Variants in RIOK1 observed in about 807,000 individuals in gnomAD.
RIOK1 encodes the protein RIO kinase 1.
RIOK1 carries 66 observed loss-of-function variants against 73.5 expected under a neutral mutation model. The ratio of observed to expected loss-of-function variants is 0.90; its 90% CI spans 0.74 to 1.10. RIOK1 has a LOEUF of 1.10. Among genes scored for constraint, RIOK1 ranks in the 50% least tolerant of loss-of-function variants. RIOK1 has a pLI of 0.00. For synonymous variants in RIOK1, 224 were observed against 226.8 expected (o/e 0.99, Z 0.11); for missense variants, 658 against 699.8 (o/e 0.94, Z 0.67).
At chr6:7,397,985 CA>C (rs1189696310) in intron 4 of RIOK1, among the ~76,000 whole-genome samples, 1 of 151,984 alleles carries the variant, frequency 6.6e-6, no homozygotes, top group African/African-American at 2.4e-5. Flanking sequence ...ACTAAAAATA[CA>C]AAAAAATTAG....
At chr6:7,406,605 T>C (rs1033660547) in intron 12 of RIOK1, among the ~76,000 whole-genome samples, 4 of 152,216 alleles carry the variant, frequency 2.6e-5, no homozygotes, top group African/African-American at 9.6e-5. Flanking sequence ...GTCTGGCTTA[T>C]TTCACTTAGT....
intron 4 of RIOK1, among the ~76,000 whole-genome samples, chr6:7,397,683 A>C (rs1232274026): frequency 6.6e-6 from 1 of 152,236 alleles, no homozygotes; most frequent in African/African-American, 2.4e-5. Flanking sequence ...AAGAGGTATC[A>C]GCTTTTTGAG....
chr6:7,393,044 CAGTT>C (rs1581709545), intron 1 of RIOK1, 51 bp from the exon 2 acceptor site: 3 of 1,485,102 alleles, frequency 2.0e-6, no homozygotes, highest in Non-Finnish European at 2.8e-6. Flanking sequence ...TATGTGAGAT[CAGTT>C]AGGGTATGTG....
chr6:7,392,965 G>C, intron 1 of RIOK1, 134 bp from the exon 2 acceptor site: 1 of 1,321,580 alleles, frequency 7.6e-7, no homozygotes, highest in Non-Finnish European at 9.7e-7. Context: ...GGAGCTTATC[G>C]GAAGGTGTAT....
At chr6:7,399,823 C>T (rs1027797999) in intron 5 of RIOK1, among the ~76,000 whole-genome samples, 1 of 152,176 alleles carries the variant, frequency 6.6e-6, no homozygotes, top group African/African-American at 2.4e-5. Context: ...TCTCTAGTTG[C>T]AATGGTCGTG....
chr6:7,402,176 A>G lies in RIOK1; in HGVS notation c.574-427A>G, dbSNP rs536262422. On this transcript the variant is annotated intron_variant, in intron 6 of 16. Transcript: ENST00000379834. ...GCGAAGAACATTATAGAGCATACTC[A>G]TACAAACCTAGATAGTATAGCCTAC... is the stretch of plus-strand genomic sequence containing the variant. 6.6e-4 allele frequency among the ~76,000 whole-genome samples: 101 copies of G among 152,338 alleles called. 1 individual carries two copies. The highest frequency in any genetic ancestry group is 2.3e-3 in the African/African-American group (94 of 41,574).
At chr6:7,397,490 A>G (rs1171328778) in intron 4 of RIOK1, among the ~76,000 whole-genome samples, 1 of 152,238 alleles carries the variant, frequency 6.6e-6, no homozygotes, top group Non-Finnish European at 1.5e-5. Flanking sequence ...GATATAACTG[A>G]GAACTGTTTC....
chr6:7,402,661 A>C lies in RIOK1; in HGVS notation c.632A>C (p.Lys211Thr). 6.2e-7 allele frequency: 1 copy of C among 1,612,996 alleles called. No homozygotes were observed. Among genetic ancestry groups the C allele is most frequent in the Non-Finnish European group, 8.5e-7 (1 of 1,179,260 alleles). Reference sequence around the variant, plus strand: ...GAGAGCAGAGCAATCAAAATTTATAAAACTTCTATTTTGGTGTTCAAAGAT... The same window carrying C: ...GAGAGCAGAGCAATCAAAATTTATACAACTTCTATTTTGGTGTTCAAAGAT... The part of the protein sequence containing the change: ...NGESRAIKIY[K>T]TSILVFKDRD... Residue 211 changes from lysine to threonine, a missense_variant, in exon 7 of 17, where the codon AAA becomes ACA. Physicochemically the swap from Lys to Thr is moderately conservative, Grantham distance 78. Transcript: ENST00000379834.
chr6:7,396,802 T>C (rs749497368), intron 4 of RIOK1, 30 bp downstream of exon 4: 3 of 1,163,816 alleles, frequency 2.6e-6, no homozygotes, highest in Middle Eastern at 1.9e-4. Flanking sequence ...TATGCATGGG[T>C]GATAAGGACT....
Position 7,405,274 on chromosome 6 carries a change from T to A in RIOK1, c.1122T>A (p.Ala374=). 6.2e-7 allele frequency: 1 copy of A among 1,611,678 alleles called. No homozygotes were observed. Among genetic ancestry groups the A allele is most frequent in the Non-Finnish European group, 8.5e-7 (1 of 1,177,846 alleles). ...ATTTCTTTATGAGGCACAGTGTTGCTGTCATGACTGTGCGGGAGCTCTTTG... is the reference window on the plus strand; with the variant it reads ...ATTTCTTTATGAGGCACAGTGTTGCAGTCATGACTGTGCGGGAGCTCTTTG... ...VNDFFMRHSV[A]VMTVRELFEF... is the part of the protein sequence containing the mutation. The change falls in exon 12 of 17, where the codon GCT becomes GCA. Residue 374 remains alanine (A), a synonymous_variant. Transcript: ENST00000379834.
intron 5 of RIOK1, among the ~76,000 whole-genome samples, chr6:7,399,896 G>T (rs1561876170): frequency 6.6e-6 from 1 of 152,248 alleles, no homozygotes; most frequent in East Asian, 1.9e-4. Context: ...TAGGTTTGTG[G>T]TGTGACCCCA....
At chr6:7,391,588 C>G (rs1237846790) in intron 1 of RIOK1, among the ~76,000 whole-genome samples, 2 of 152,182 alleles carry the variant, frequency 1.3e-5, no homozygotes, top group African/African-American at 4.8e-5. Context: ...CCATCCACCC[C>G]AGGGTATTGT....
rs1488520312 is a variant in RIOK1 at position 7,414,383 on chromosome 6, A to G, written c.1589A>G (p.Asp530Gly). 6.3e-7 allele frequency: 1 copy of G among 1,599,796 alleles called. No individual in the cohort carries two copies. The change falls in exon 16 of 17, where the codon GAT becomes GGT. Residue 530 changes from aspartate to glycine, a missense_variant. Asp to Gly is a moderately conservative substitution (Grantham distance 94). Transcript: ENST00000379834. ...AAACACACCACGGACCCTGACATTG[A>G]TAAAAAAGTAAGCAATGAAATACCT... is the stretch of plus-strand genomic sequence containing the variant. The part of the protein sequence containing the change: ...PKKHTTDPDI[D>G]KKERKKMVKE...
chr6:7,405,109 T>C, intron 11 of RIOK1, 88 bp downstream of exon 11: 2 of 1,241,724 alleles, frequency 1.6e-6, no homozygotes, highest in Non-Finnish European at 2.3e-6. Context: ...ATTTTCTCAC[T>C]AAATTGTTTG....
chr6:7,411,952 AGT>A (rs1407692239), intron 14 of RIOK1, among the ~76,000 whole-genome samples: 1 of 152,250 alleles, frequency 6.6e-6, no homozygotes, highest in Non-Finnish European at 1.5e-5. Flanking sequence ...GTGTAATACA[AGT>A]ATACTAAAGA....
intron 12 of RIOK1, among the ~76,000 whole-genome samples, chr6:7,405,748 C>T (rs968955765): frequency 6.7e-6 from 1 of 149,446 alleles, no homozygotes; most frequent in Non-Finnish European, 1.5e-5. Flanking sequence ...ATCAAAAATA[C>T]AGCACAACAG....
intron 12 of RIOK1, among the ~76,000 whole-genome samples, chr6:7,410,092 A>G (rs915255315): frequency 1.3e-5 from 2 of 152,210 alleles, no homozygotes; most frequent in Non-Finnish European, 2.9e-5. Context: ...TACTAAATGC[A>G]AAAGCTAATT....
intron 14 of RIOK1, among the ~76,000 whole-genome samples, chr6:7,412,632 A>G (rs1026503850): frequency 9.4e-5 from 14 of 148,300 alleles, no homozygotes; most frequent in Middle Eastern, 3.5e-3. Flanking sequence ...AGCCTAGGCC[A>G]CAAAGCAAGA....
At chr6:7,408,455 C>T (rs975479701) in intron 12 of RIOK1, among the ~76,000 whole-genome samples, 3 of 152,170 alleles carry the variant, frequency 2.0e-5, no homozygotes, top group Admixed American at 2.0e-4. Flanking sequence ...AGTTAGAAAG[C>T]TCTCTGGAGG....
Sources: allele counts gnomAD v4.1 joint callset (sites outside exome capture counted in the v4.1 genomes callset), GRCh38; gene constraint gnomAD v4.1.1; transcripts MANE v1.5; gene names NCBI Gene and HGNC (gene_info 2026-07-23, HGNC 2026-07-21).